The following PAWR variants were observed in gnomAD, a reference collection of about 807,000 sequenced individuals.
The protein encoded by PAWR is PRKC apoptosis WT1 regulator protein.
In PAWR, 23 loss-of-function variants were observed where a neutral mutation model predicts 32.0. The observed-to-expected ratio is 0.72, with a 90% confidence interval of 0.52 to 1.02. PAWR has a LOEUF of 1.02. Among genes scored for constraint, PAWR ranks in the 50% least tolerant of loss-of-function variants. The probability of loss-of-function intolerance (pLI) is 0.00; values close to 1 mark genes in which losing one functional copy is unlikely to be tolerated. For missense variants in PAWR, 457 were observed against 437.7 expected, an observed-to-expected ratio of 1.04 and a Z score of -0.39; for synonymous variants, 226 against 187.1, an observed-to-expected ratio of 1.21 and a Z score of -1.70.
At position 79,608,418 on chromosome 12, in the gene PAWR, G is replaced by A. The variant is rs139568327; in HGVS notation, c.683+5157C>T. 4.1e-3 allele frequency among the ~76,000 whole-genome samples: 619 copies of A among 152,188 alleles called. 12 individuals carry two copies. The highest frequency in any genetic ancestry group is 0.014 in the African/African-American group (587 of 41,500). ...CCCTCGCATGAACAGTTCACAATAG[G>A]GTTCGCGCGCTCCTATGAGAATCTA... On this transcript the variant is annotated intron_variant, in intron 4 of 6. Coordinates refer to ENST00000328827, the MANE Select transcript of PAWR (RefSeq NM_002583.4).
At chr12:79,642,901 A>G (rs1022824636) in intron 2 of PAWR, among the ~76,000 whole-genome samples, 1 of 152,120 alleles carries the variant, frequency 6.6e-6, no homozygotes, top group Non-Finnish European at 1.5e-5. Flanking sequence ...CTACATTAGG[A>G]TTAACAACTC....
chr12:79,601,733 T>C (rs1214557684), intron 4 of PAWR, among the ~76,000 whole-genome samples: 1 of 152,222 alleles, frequency 6.6e-6, no homozygotes, highest in African/African-American at 2.4e-5. Flanking sequence ...AAATAAAATA[T>C]TGAATATGCT....
In PAWR at chr12:79,654,741, A is replaced by G. The variant is rs142038817; in HGVS notation, c.517-33534T>C. ...CAAAAGGTGGCAGGAGAGTGTGAGC[A>G]TGTAGAGAACTACCATTTATAAAAC... On this transcript the variant is annotated intron_variant, in intron 2 of 6. Transcript: ENST00000328827. Among the ~76,000 whole-genome samples, 197 of 152,362 alleles carry G rather than the reference A, an allele frequency of 1.3e-3. 2 individuals carry two copies. The highest frequency in any genetic ancestry group is 4.6e-3 in the African/African-American group (193 of 41,586).
intron 2 of PAWR, among the ~76,000 whole-genome samples, chr12:79,656,589 G>C (rs928123262): frequency 6.6e-6 from 1 of 152,032 alleles, no homozygotes. Flanking sequence ...TGATGATTTA[G>C]AAAAAAGCAG....
rs145149926 is a variant in PAWR, at chr12:79,612,716, T to C, written c.683+859A>G. On this transcript the variant is annotated intron_variant, in intron 4 of 6. Transcript: ENST00000328827. ...TGGACACAGTAAGTACTCAATAATA[T>C]TTATCATTCTAGGATTATTAGCGCA... 1.3e-3 allele frequency among the ~76,000 whole-genome samples: 200 copies of C among 152,304 alleles called. 1 individual carries two copies. Among genetic ancestry groups the C allele is most frequent in the African/African-American group, 4.5e-3 (187 of 41,576 alleles).
chr12:79,683,132 A>G (rs1302781239), intron 2 of PAWR, among the ~76,000 whole-genome samples: 1 of 152,214 alleles, frequency 6.6e-6, no homozygotes, highest in Non-Finnish European at 1.5e-5. Context: ...ATGTGACATT[A>G]CATAAATGTT....
At chr12:79,651,430 C>A (rs749460841) in intron 2 of PAWR, among the ~76,000 whole-genome samples, 1 of 152,164 alleles carries the variant, frequency 6.6e-6, no homozygotes. Context: ...CCCTTACAAG[C>A]CTGAATCCTC....
chr12:79,588,760 GA>G lies in PAWR; in HGVS notation c.*3846del, dbSNP rs2136666560. ...CATAGACATAGTTATTTTTAGTGGG[GA>G]TAAGGATATGACTTTAACATGCTAT... On this transcript the variant is annotated 3_prime_UTR_variant, in exon 7 of 7. Coordinates refer to ENST00000328827, the MANE Select transcript of PAWR (RefSeq NM_002583.4). The G allele has an allele frequency of 6.6e-6, 1 of 152,056 alleles. No individual in the cohort carries two copies. The highest frequency in any genetic ancestry group is 2.4e-5 in the African/African-American group (1 of 41,544). The allele number at this position is 152,056 out of a possible 1,614,324, so 9.4% of individuals were successfully genotyped here. A position where few individuals can be genotyped will look rare whatever the true frequency, so the allele number is the denominator to read the frequency against.
intron 4 of PAWR, among the ~76,000 whole-genome samples, chr12:79,606,561 G>A (rs887073094): frequency 6.6e-6 from 1 of 152,070 alleles, no homozygotes; most frequent in Non-Finnish European, 1.5e-5. Context: ...AGATCTGAGT[G>A]GATTTGTGAA....
intron 2 of PAWR, among the ~76,000 whole-genome samples, chr12:79,632,691 C>T (rs1875766955): frequency 6.6e-6 from 1 of 151,656 alleles, no homozygotes; most frequent in African/African-American, 2.4e-5. Context: ...TAATTTTTAG[C>T]AAAGATGTCA....
chr12:79,627,652 T>G (rs1480363231), intron 2 of PAWR, among the ~76,000 whole-genome samples: 5 of 152,170 alleles, frequency 3.3e-5, no homozygotes, highest in Non-Finnish European at 5.9e-5. Context: ...GTTTTAGACA[T>G]GAAGTCCTTG....
chr12:79,661,059 G>C (rs1320851541), intron 2 of PAWR, among the ~76,000 whole-genome samples: 1 of 151,692 alleles, frequency 6.6e-6, no homozygotes, highest in South Asian at 2.1e-4. Context: ...CTTGAGGTCA[G>C]GAGTTCGAGA....
At chr12:79,623,152 T>G (rs1026163330) in intron 2 of PAWR, among the ~76,000 whole-genome samples, 5 of 152,026 alleles carry the variant, frequency 3.3e-5, no homozygotes, top group Non-Finnish European at 7.4e-5. Flanking sequence ...TTGTATCCTA[T>G]GAAAAATGAT....
intron 4 of PAWR, among the ~76,000 whole-genome samples, chr12:79,611,765 A>G (rs1201537445): frequency 6.6e-6 from 1 of 152,152 alleles, no homozygotes; most frequent in African/African-American, 2.4e-5. Flanking sequence ...CTATGAGAAT[A>G]CAAGTAAGAA....
At chr12:79,684,382 G>A (rs1359642377) in intron 2 of PAWR, among the ~76,000 whole-genome samples, 3 of 152,092 alleles carry the variant, frequency 2.0e-5, no homozygotes, top group South Asian at 2.1e-4. Context: ...AGGCTGAGGC[G>A]GGTAGATCAC....
At chr12:79,597,877 T>C (rs1490917741) in intron 4 of PAWR, 4 of 152,216 alleles carry the variant, frequency 2.6e-5, no homozygotes, top group African/African-American at 9.6e-5. Context: ...AGGTGGGTGA[T>C]TATGATTCGG....
At chr12:79,689,690 GC>G (rs1162748520) in intron 2 of PAWR, 38 bp downstream of exon 2, 2 of 1,525,558 alleles carry the variant, frequency 1.3e-6, no homozygotes, top group African/African-American at 2.8e-5. Flanking sequence ...GCAGCTGCCC[GC>G]CCCGGCCCGG....
At chr12:79,594,518 G>A in intron 5 of PAWR, 85 bp from the exon 6 acceptor site, 1 of 661,552 alleles carries the variant, frequency 1.5e-6, no homozygotes, top group South Asian at 1.8e-5. Context: ...CCCCAATTTG[G>A]TAAAATATCT....
intron 5 of PAWR, among the ~76,000 whole-genome samples, chr12:79,595,650 C>T (rs1197704923): frequency 1.3e-5 from 2 of 152,128 alleles, no homozygotes; most frequent in Non-Finnish European, 2.9e-5. Context: ...AATTCAAGAC[C>T]AGCCTGACCA....
Sources: allele counts gnomAD v4.1 joint callset (sites outside exome capture counted in the v4.1 genomes callset), GRCh38; gene constraint gnomAD v4.1.1; transcripts MANE v1.5; gene names NCBI Gene and HGNC (gene_info 2026-07-23, HGNC 2026-07-21).